HMGCLL1: variants seen among roughly 807,000 people sequenced by gnomAD.
HMGCLL1 encodes the protein 3-hydroxy-3-methylglutaryl-CoA lyase like 1.
HMGCLL1 carries 36 observed loss-of-function variants against 39.1 expected under a neutral mutation model. The observed-to-expected ratio is 0.92, with a 90% CI of 0.71 to 1.22. The LOEUF (loss-of-function observed/expected upper bound fraction) is 1.22, where lower values mean the gene tolerates loss of function less well. Among genes scored for constraint, HMGCLL1 ranks in the 50% most tolerant of loss-of-function variants. The probability of loss-of-function intolerance (pLI) is 0.00; values close to 1 mark genes in which losing one functional copy is unlikely to be tolerated. For missense variants in HMGCLL1, 451 were observed against 416.5 expected, an observed-to-expected ratio of 1.08 and a Z score of -0.72; for synonymous variants, 149 against 144.0, an observed-to-expected ratio of 1.03 and a Z score of -0.25.
At chr6:55,472,029 G>C (rs967930881) in intron 7 of HMGCLL1, among the ~76,000 whole-genome samples, 2 of 151,640 alleles carry the variant, frequency 1.3e-5, no homozygotes, top group African/African-American at 4.8e-5. Context: ...CATATATTCA[G>C]AATCTATGTA....
chr6:55,450,632 G>A (rs1764039717), intron 7 of HMGCLL1, among the ~76,000 whole-genome samples: 1 of 152,154 alleles, frequency 6.6e-6, no homozygotes, highest in Non-Finnish European at 1.5e-5. Flanking sequence ...TGAGGAAGAA[G>A]TTGAGGGGGG....
At chr6:55,478,793 T>G (rs1029420247) in intron 7 of HMGCLL1, among the ~76,000 whole-genome samples, 2 of 151,462 alleles carry the variant, frequency 1.3e-5, no homozygotes, top group African/African-American at 4.9e-5. Context: ...ATTACCAAAC[T>G]AATTTTTATT....
chr6:55,460,705 T>C (rs753238695), intron 7 of HMGCLL1, among the ~76,000 whole-genome samples: 1 of 151,944 alleles, frequency 6.6e-6, no homozygotes, highest in African/African-American at 2.4e-5. Flanking sequence ...AAAACACTTT[T>C]CTAAAATAAA....
At chr6:55,509,153 T>A (rs1383930687) in intron 5 of HMGCLL1, among the ~76,000 whole-genome samples, 3 of 151,956 alleles carry the variant, frequency 2.0e-5, no homozygotes, top group Non-Finnish European at 1.5e-5. Context: ...TAGAGTTTTA[T>A]GTCCCATATT....
the HMGCLL1 span, among the ~76,000 whole-genome samples, chr6:55,603,424 T>C: frequency 6.6e-6 from 1 of 150,418 alleles, no homozygotes; most frequent in Non-Finnish European, 1.5e-5. Context: ...TTGTGAGCAC[T>C]CTTGCTACAC....
intron 7 of HMGCLL1, among the ~76,000 whole-genome samples, chr6:55,453,346 T>A (rs901323328): frequency 7.9e-5 from 12 of 151,972 alleles, no homozygotes; most frequent in Non-Finnish European, 1.3e-4. Flanking sequence ...GTCTGGCTAA[T>A]TTTTTTGTAT....
At chr6:55,607,557 G>T in the HMGCLL1 span, among the ~76,000 whole-genome samples, 2 of 151,990 alleles carry the variant, frequency 1.3e-5, no homozygotes, top group Non-Finnish European at 2.9e-5. Flanking sequence ...TCTCACGGCC[G>T]CCCACACAGA....
Position 55,543,269 on chromosome 6 carries a change from A to C in HMGCLL1, c.109-1129T>G, listed in dbSNP as rs1769653380. On this transcript the variant is annotated intron_variant, in intron 1 of 8. Transcript: ENST00000274901. ...AGATATATAATATATAATATAATATATCTATATTATATATAATATATTATA... is the reference window on the plus strand; with the variant it reads ...AGATATATAATATATAATATAATATCTCTATATTATATATAATATATTATA... Among the ~76,000 whole-genome samples, 8 of 16,738 alleles carry C rather than the reference A, an allele frequency of 4.8e-4. 4 individuals carry two copies. The highest frequency in any genetic ancestry group is 9.1e-4 in the Non-Finnish European group (8 of 8,796). 11.0% of individuals were successfully genotyped at this position (16,738 alleles called of 152,430 possible).
intron 7 of HMGCLL1, among the ~76,000 whole-genome samples, chr6:55,477,211 T>TTATATTATAATATATATTA (rs1765373646): frequency 1.5e-4 from 3 of 19,612 alleles, no homozygotes; most frequent in African/African-American, 1.2e-3. Context: ...ATAATATATA[T>TTATATTATAATATATATTA]TATATTATAA....
chr6:55,579,123 C>CAG lies in HMGCLL1; in HGVS notation c.-69_-68insCT. 1.6e-6 allele frequency: 2 copies of CAG among 1,222,312 alleles called. No individual in the cohort carries two copies. The highest frequency in any genetic ancestry group is 2.4e-6 in the Non-Finnish European group (2 of 848,358). 75.7% of individuals were successfully genotyped at this position (1,222,312 alleles called of 1,614,324 possible). A position where few individuals can be genotyped will look rare whatever the true frequency, so the allele number is the denominator to read the frequency against. ...AGGAGGATGAGGGGCGGGCACCGCG[C>CAG]TGGGAAACTGCGCCAGCTCGGGAGC... On this transcript the variant is annotated 5_prime_UTR_variant, in exon 1 of 9. Coordinates refer to ENST00000274901, the MANE Select transcript of HMGCLL1 (RefSeq NM_001042406.2).
intron 7 of HMGCLL1, among the ~76,000 whole-genome samples, chr6:55,451,164 T>A (rs926783677): frequency 6.6e-6 from 1 of 152,116 alleles, no homozygotes; most frequent in Non-Finnish European, 1.5e-5. Flanking sequence ...GTTCTGACAA[T>A]ATCTATTCAG....
chr6:55,627,175 A>C, the HMGCLL1 span, among the ~76,000 whole-genome samples: 1 of 152,110 alleles, frequency 6.6e-6, no homozygotes, highest in East Asian at 1.9e-4. Context: ...CCAGCTGTAG[A>C]AATGAAGATT....
chr6:55,549,038 T>C (rs1286431993), intron 1 of HMGCLL1, among the ~76,000 whole-genome samples: 1 of 151,656 alleles, frequency 6.6e-6, no homozygotes, highest in Non-Finnish European at 1.5e-5. Flanking sequence ...GTTATTTACA[T>C]TATTTATTTT....
At chr6:55,552,555 G>C (rs4479933) in intron 1 of HMGCLL1, among the ~76,000 whole-genome samples, 100,973 of 151,780 alleles carry the variant, frequency 0.67, 34,089 homozygotes, top group Admixed American at 0.72. Context: ...TAGCTAAAAA[G>C]AGTTGTGGTA....
At chr6:55,654,131 A>G in the HMGCLL1 span, among the ~76,000 whole-genome samples, 1 of 151,878 alleles carries the variant, frequency 6.6e-6, no homozygotes, top group East Asian at 1.9e-4. Flanking sequence ...ACCTAATCCT[A>G]CCTTTCAGCG....
chr6:55,582,504 G>T (rs953474340), upstream of HMGCLL1, among the ~76,000 whole-genome samples: 2 of 152,006 alleles, frequency 1.3e-5, no homozygotes, highest in Non-Finnish European at 2.9e-5. Context: ...CTTAAAAATG[G>T]TTCAATTAAT....
At chr6:55,466,416 T>G (rs534747082) in intron 7 of HMGCLL1, among the ~76,000 whole-genome samples, 2 of 152,120 alleles carry the variant, frequency 1.3e-5, no homozygotes, top group African/African-American at 2.4e-5. Context: ...TTTGAGAATC[T>G]GCTTTGAGAA....
At chr6:55,662,085 G>A in the HMGCLL1 span, among the ~76,000 whole-genome samples, 1 of 151,754 alleles carries the variant, frequency 6.6e-6, no homozygotes, top group Non-Finnish European at 1.5e-5. Flanking sequence ...AGGAGCTTTG[G>A]GGTTGAGATC....
At position 55,495,463 on chromosome 6, in the gene HMGCLL1, C is replaced by A. The variant is rs751041431; in HGVS notation, c.751G>T (p.Asp251Tyr). ...PPGALAVHCH[D>Y]TYGQALANIL... is the part of the protein sequence containing the mutation. ...TTTGCTAAGGCTTGTCCGTATGTGT[C>A]ATGACAGTGAACAGCAAGAGCACCT... The change falls in exon 7 of 9, where the codon GAC becomes TAC. Residue 251 changes from aspartate to tyrosine, a missense_variant. Asp to Tyr is a radical substitution (Grantham distance 160). Transcript: ENST00000274901. 6.2e-7 allele frequency: 1 copy of A among 1,614,064 alleles called. No individual in the cohort carries two copies. The highest frequency in any genetic ancestry group is 1.1e-5 in the South Asian group (1 of 91,074).
Sources: allele counts gnomAD v4.1 joint callset (sites outside exome capture counted in the v4.1 genomes callset), GRCh38; gene constraint gnomAD v4.1.1; transcripts MANE v1.5; gene names NCBI Gene and HGNC (gene_info 2026-07-23, HGNC 2026-07-21).